BNC2: variants seen among roughly 807,000 people sequenced by gnomAD.
The protein encoded by BNC2 is basonuclin zinc finger protein 2.
In BNC2, 20 loss-of-function variants were observed where a neutral mutation model predicts 76.3. The observed-to-expected ratio is 0.26, with a 90% CI of 0.18 to 0.38. BNC2 has a LOEUF of 0.38. Among genes scored for constraint, BNC2 ranks in the 10% least tolerant of loss-of-function variants. The pLI, the probability that BNC2 is intolerant of heterozygous loss-of-function variation, is 1.00. For missense variants in BNC2, 1,382 were observed against 1,399.8 expected (o/e 0.99, Z 0.20); for synonymous variants, 582 against 514.8 (o/e 1.13, Z -1.77).
intron 3 of BNC2, among the ~76,000 whole-genome samples, chr9:16,659,409 A>T (rs1020904553): frequency 2.6e-5 from 4 of 151,976 alleles, no homozygotes; most frequent in African/African-American, 7.2e-5. Flanking sequence ...GGAGATTGAG[A>T]CCATCCTGGC....
At chr9:16,607,989 T>TA (rs917576751) in intron 3 of BNC2, among the ~76,000 whole-genome samples, 12 of 152,260 alleles carry the variant, frequency 7.9e-5, no homozygotes, top group Non-Finnish European at 1.6e-4. Flanking sequence ...ACCCCCATGG[T>TA]ACAAGCATCA....
intron 5 of BNC2, among the ~76,000 whole-genome samples, chr9:16,440,677 A>T (rs896472006): frequency 6.6e-6 from 1 of 152,146 alleles, no homozygotes; most frequent in South Asian, 2.1e-4. Context: ...TACAGTACAG[A>T]GCAGTCCCAT....
chr9:16,780,641 GT>G (rs1402057972), intron 1 of BNC2, among the ~76,000 whole-genome samples: 14 of 152,022 alleles, frequency 9.2e-5, no homozygotes, highest in Non-Finnish European at 7.4e-5. Context: ...TTTTTAAAAA[GT>G]ATTGGGCTTT....
At chr9:16,481,393 G>A (rs956024137) in intron 5 of BNC2, among the ~76,000 whole-genome samples, 2 of 151,934 alleles carry the variant, frequency 1.3e-5, no homozygotes, top group African/African-American at 4.8e-5. Flanking sequence ...TCACTCTTTG[G>A]GTCCACACTG....
At chr9:16,526,393 C>A (rs1817801279) in intron 5 of BNC2, among the ~76,000 whole-genome samples, 2 of 151,202 alleles carry the variant, frequency 1.3e-5, no homozygotes, top group Non-Finnish European at 2.9e-5. Flanking sequence ...TGATTTACCT[C>A]CTTGGAGGAT....
intron 1 of BNC2, among the ~76,000 whole-genome samples, chr9:16,766,266 C>T (rs557321607): frequency 6.6e-6 from 1 of 152,168 alleles, no homozygotes; most frequent in Non-Finnish European, 1.5e-5. Flanking sequence ...AACCATCCAT[C>T]ACTGTTTCCT....
At chr9:16,762,395 A>C (rs190973049) in intron 1 of BNC2, among the ~76,000 whole-genome samples, 54 of 152,356 alleles carry the variant, frequency 3.5e-4, no homozygotes, top group Admixed American at 3.0e-3. Context: ...CTAGTAAAAC[A>C]GTATTTCGAA....
At chr9:16,787,502 A>C (rs776873582) in intron 1 of BNC2, among the ~76,000 whole-genome samples, 9 of 152,150 alleles carry the variant, frequency 5.9e-5, no homozygotes, top group Non-Finnish European at 1.0e-4. Flanking sequence ...TTTGTGCCTC[A>C]ATTTCCTCAC....
At position 16,764,384 on chromosome 9, in the gene BNC2, T is replaced by C. The variant is rs544676541; in HGVS notation, c.4-25899A>G. On this transcript the variant is annotated intron_variant, in intron 1 of 6. Transcript: ENST00000380672. ...CATTTTTATTTTCAAATCTGTCAAA[T>C]TGTTGGCCTCCTGAACTTTAAAAAA... 9.2e-5 allele frequency among the ~76,000 whole-genome samples: 14 copies of C among 152,332 alleles called. No individual in the cohort carries two copies. In the South Asian group the frequency reaches 2.3e-3, roughly 25 times the overall value.
chr9:16,498,886 G>A (rs1282767179), intron 5 of BNC2, among the ~76,000 whole-genome samples: 1 of 152,058 alleles, frequency 6.6e-6, no homozygotes, highest in Non-Finnish European at 1.5e-5. Flanking sequence ...CCTGCCAGGG[G>A]TTGTCACCAT....
At chr9:16,693,684 T>C (rs1823250707) in intron 3 of BNC2, among the ~76,000 whole-genome samples, 1 of 152,134 alleles carries the variant, frequency 6.6e-6, no homozygotes, top group African/African-American at 2.4e-5. Flanking sequence ...AGAAGGAGCA[T>C]ACACCAAGGC....
intron 5 of BNC2, among the ~76,000 whole-genome samples, chr9:16,476,463 A>T (rs1821929680): frequency 6.6e-6 from 1 of 151,380 alleles, no homozygotes; most frequent in South Asian, 2.1e-4. Context: ...ATTAATTGCA[A>T]CTCATCCTTC....
chr9:16,840,268 A>G (rs975452092), intron 1 of BNC2, among the ~76,000 whole-genome samples: 4 of 152,188 alleles, frequency 2.6e-5, no homozygotes, highest in African/African-American at 9.6e-5. Flanking sequence ...TGTCCTGATC[A>G]TTTAACTTCT....
At chr9:16,761,787 C>A (rs1825558102) in intron 1 of BNC2, among the ~76,000 whole-genome samples, 1 of 152,148 alleles carries the variant, frequency 6.6e-6, no homozygotes, top group Non-Finnish European at 1.5e-5. Flanking sequence ...ACATTTCAGA[C>A]CATGACACTC....
intron 5 of BNC2, among the ~76,000 whole-genome samples, chr9:16,533,142 A>C (rs1485493368): frequency 6.6e-6 from 1 of 152,248 alleles, no homozygotes; most frequent in Non-Finnish European, 1.5e-5. Context: ...ATTAACTATA[A>C]ATTTTATTTG....
At chr9:16,429,516 G>T (rs1406662236) in intron 6 of BNC2, 1 of 154,332 alleles carries the variant, frequency 6.5e-6, no homozygotes, top group African/African-American at 2.4e-5. Context: ...TTTCAAAGTG[G>T]TCTCTTCATG....
chr9:16,693,208 G>C (rs1053037967), intron 3 of BNC2, among the ~76,000 whole-genome samples: 1 of 150,608 alleles, frequency 6.6e-6, no homozygotes, highest in East Asian at 1.9e-4. Context: ...TGCCCCTCCT[G>C]CAACCAACCG....
At chr9:16,743,086 G>C (rs1022803224) in intron 1 of BNC2, among the ~76,000 whole-genome samples, 3 of 152,120 alleles carry the variant, frequency 2.0e-5, no homozygotes, top group Non-Finnish European at 2.9e-5. Context: ...CTTGTGTATA[G>C]ATTCCTCTGG....
At chr9:16,791,782 G>T (rs566071248) in intron 1 of BNC2, among the ~76,000 whole-genome samples, 1 of 152,250 alleles carries the variant, frequency 6.6e-6, no homozygotes, top group South Asian at 2.1e-4. Context: ...GACCAAAAGA[G>T]AAAATAGATT....
Sources: allele counts gnomAD v4.1 joint callset (sites outside exome capture counted in the v4.1 genomes callset), GRCh38; gene constraint gnomAD v4.1.1; transcripts MANE v1.5; gene names NCBI Gene and HGNC (gene_info 2026-07-23, HGNC 2026-07-21).